The following PXDN variants were observed in gnomAD, a reference collection of about 807,000 sequenced individuals.
The protein encoded by PXDN is peroxidasin, also known as peroxidasin homolog.
In PXDN, 77 loss-of-function variants were observed where a neutral mutation model predicts 140.3. That is an observed-to-expected ratio of 0.55 (90% CI 0.46 to 0.66). The LOEUF (loss-of-function observed/expected upper bound fraction) is 0.66, where lower values mean the gene tolerates loss of function less well. PXDN is among the 30% of genes least tolerant of loss of function. The probability of loss-of-function intolerance (pLI) is 0.00; values close to 1 mark genes in which losing one functional copy is unlikely to be tolerated. For missense variants in PXDN, 1,838 were observed against 2,039.5 expected (o/e 0.90, Z 1.90); for synonymous variants, 911 against 857.4 (o/e 1.06, Z -1.09).
intron 1 of PXDN, among the ~76,000 whole-genome samples, chr2:1,695,075 T>G (rs1220986327): frequency 6.6e-6 from 1 of 152,194 alleles, no homozygotes; most frequent in African/African-American, 2.4e-5. Flanking sequence ...CCCCACTTAT[T>G]CTGGCTCCTC....
intron 1 of PXDN, among the ~76,000 whole-genome samples, chr2:1,701,928 C>A (rs1684444419): frequency 6.6e-6 from 1 of 152,070 alleles, no homozygotes; most frequent in Non-Finnish European, 1.5e-5. Flanking sequence ...CAGCAGACAC[C>A]CAATTGGCTG....
At chr2:1,647,463 A>C (rs1682875506) in intron 17 of PXDN, among the ~76,000 whole-genome samples, 1 of 151,926 alleles carries the variant, frequency 6.6e-6, no homozygotes, top group African/African-American at 2.4e-5. Flanking sequence ...AAACTTTGCC[A>C]TTTTTTCCAC....
In PXDN at chr2:1,649,188, G is replaced by A. The variant is rs552146038; in HGVS notation, c.2592C>T (p.Pro864=). The change falls in exon 17 of 23, where the codon CCC becomes CCT. Residue 864 remains proline (P), a synonymous_variant. Transcript: ENST00000252804. The surrounding 1 kb of genome is among the most constrained non-coding windows in gnomAD (Gnocchi z 7.1). ...CCCCGCTCCTGGCCCGGGAGTCATT[G>A]GGGGGGATCATGACAGAGAAGCAGG... ...DPPCFSVMIP[P]NDSRARSGAR... is the part of the protein sequence containing the mutation. 3.0e-5 allele frequency: 49 copies of A among 1,611,722 alleles called. No homozygotes were observed. The East Asian group carries it at 7.1e-4, about 23-fold the overall frequency.
At chr2:1,733,748 C>CA (rs72208257) in intron 1 of PXDN, among the ~76,000 whole-genome samples, 8,392 of 79,258 alleles carry the variant, frequency 0.11, 1,115 homozygotes, top group African/African-American at 0.31. Context: ...TGTCAAATGA[C>CA]AAAAAAAAAA....
chr2:1,703,531 G>C (rs67242860), intron 1 of PXDN, among the ~76,000 whole-genome samples: 1 of 6,010 alleles, frequency 1.7e-4, no homozygotes, highest in Non-Finnish European at 2.7e-4. Context: ...AGGGGGGACA[G>C]CTCCAGGTGA....
intron 1 of PXDN, among the ~76,000 whole-genome samples, chr2:1,711,415 CAGCACCCACTCTCCACT>C (rs1684773774): frequency 7.8e-6 from 1 of 128,508 alleles, no homozygotes. Context: ...CACTCTCCAC[CAGCACCCACTCTCCACT>C]AGCACCCACT....
At chr2:1,653,405 C>G in intron 16 of PXDN, 4 of 663,396 alleles carry the variant, frequency 6.0e-6, no homozygotes, top group South Asian at 1.7e-5. Flanking sequence ...GATCAGCACT[C>G]CAAGGGACTT....
Position 1,709,258 on chromosome 2 carries a change from T to C in PXDN, c.201-16124A>G, listed in dbSNP as rs543862958. 4.2e-4 allele frequency among the ~76,000 whole-genome samples: 64 copies of C among 152,188 alleles called. No homozygotes were observed. The East Asian group carries it at 0.012, about 28-fold the overall frequency. On this transcript the variant is annotated intron_variant, in intron 1 of 22. Transcript: ENST00000252804. ...GAGGAGGAGGCCAGGCACCAGCAGG[T>C]GACCACGGCGCTCGCTGCAGTGAAA...
rs753121461 is a variant in PXDN at position 1,680,251 on chromosome 2, A to G, written c.672T>C (p.Tyr224=). ...CTGAGCGTCCCTGGATGCGTCTGGG[A>G]TATTCACAGATGGCCGCTGCCTGCG... The part of the protein sequence containing the change: ...GNAQAAAICE[Y]PRRIQGRSVA... Residue 224 remains tyrosine (Y), a synonymous_variant, in exon 7 of 23, where the codon TAT becomes TAC. Coordinates refer to ENST00000252804, the MANE Select transcript of PXDN (RefSeq NM_012293.3). 3 of 1,612,508 alleles carry G rather than the reference A, an allele frequency of 1.9e-6. No homozygotes were observed.
chr2:1,728,269 C>G (rs1208852185), intron 1 of PXDN, among the ~76,000 whole-genome samples: 6 of 152,220 alleles, frequency 3.9e-5, no homozygotes, highest in Admixed American at 2.6e-4. Flanking sequence ...TAATGTAAAC[C>G]CTGCAGCACA....
At chr2:1,715,476 A>C (rs1248525878) in intron 1 of PXDN, among the ~76,000 whole-genome samples, 1 of 152,228 alleles carries the variant, frequency 6.6e-6, no homozygotes, top group Non-Finnish European at 1.5e-5. Context: ...CTGCTGAGAA[A>C]CTGTAAACGC....
At chr2:1,738,541 T>C (rs1159724642) in intron 1 of PXDN, among the ~76,000 whole-genome samples, 1 of 140,656 alleles carries the variant, frequency 7.1e-6, no homozygotes. Flanking sequence ...TAATGCAAGT[T>C]GATCTTCAAA....
intron 8 of PXDN, among the ~76,000 whole-genome samples, chr2:1,675,906 A>C (rs967729978): frequency 6.6e-6 from 1 of 152,166 alleles, no homozygotes; most frequent in Non-Finnish European, 1.5e-5. Flanking sequence ...GGAGCAGCGC[A>C]GGAGTGCTGG....
chr2:1,732,804 T>C (rs1289524016), intron 1 of PXDN, among the ~76,000 whole-genome samples: 2 of 152,230 alleles, frequency 1.3e-5, no homozygotes, highest in Non-Finnish European at 2.9e-5. Context: ...AATTATTCAA[T>C]TAAAACCAAC....
chr2:1,736,242 A>G (rs10439523), intron 1 of PXDN, among the ~76,000 whole-genome samples: 75,761 of 151,954 alleles, frequency 0.5, 19,103 homozygotes, highest in Admixed American at 0.59. Context: ...TCAGCTTTTG[A>G]CATGCCTTCC....
chr2:1,639,232 G>T lies in PXDN; in HGVS notation c.4073+70C>A. 1 of 1,555,738 alleles carries T rather than the reference G, an allele frequency of 6.4e-7. No individual in the cohort carries two copies. The highest frequency in any genetic ancestry group is 8.7e-7 in the Non-Finnish European group (1 of 1,149,222). ...CGCCACAGGCCCACAGCAGGATGCC[G>T]GTCCTACTGCCCGACGCCCGCGGTG... On this transcript the variant is annotated intron_variant, in intron 20 of 22. Transcript: ENST00000252804. This position sits in a 1 kb window ranked among gnomAD's most constrained non-coding sequence, Gnocchi z 5.0.
intron 1 of PXDN, among the ~76,000 whole-genome samples, chr2:1,724,919 C>T (rs1685142613): frequency 6.6e-6 from 1 of 152,072 alleles, no homozygotes; most frequent in Non-Finnish European, 1.5e-5. Flanking sequence ...GGAATTGTAA[C>T]AAGAATTGCA....
At chr2:1,699,375 CA>C (rs75532005) in intron 1 of PXDN, among the ~76,000 whole-genome samples, 6,794 of 152,252 alleles carry the variant, frequency 0.045, 365 homozygotes, top group East Asian at 0.3. Flanking sequence ...TTCCCATACG[CA>C]AGTCTCAGAT....
At chr2:1,705,286 G>A (rs1042824805) in intron 1 of PXDN, among the ~76,000 whole-genome samples, 3 of 152,192 alleles carry the variant, frequency 2.0e-5, no homozygotes, top group African/African-American at 4.8e-5. Flanking sequence ...CTCCCTCCAT[G>A]AAGGCTGGGG....
Sources: allele counts gnomAD v4.1 joint callset (sites outside exome capture counted in the v4.1 genomes callset), GRCh38; gene constraint gnomAD v4.1.1; non-coding constraint Gnocchi (gnomAD v3.1); transcripts MANE v1.5; gene names NCBI Gene and HGNC (gene_info 2026-07-23, HGNC 2026-07-21).